INPP4B: variants seen among roughly 807,000 people sequenced by gnomAD.
INPP4B encodes the protein inositol polyphosphate 4-phosphatase type II.
A neutral mutation model predicts 122.5 loss-of-function variants in INPP4B; 55 were observed. The observed-to-expected ratio is 0.45, with a 90% CI of 0.36 to 0.56. The LOEUF (loss-of-function observed/expected upper bound fraction) is 0.56, where lower values mean the gene tolerates loss of function less well. INPP4B is among the 20% of genes least tolerant of loss of function. The probability of loss-of-function intolerance (pLI) is 0.00; values close to 1 mark genes in which losing one functional copy is unlikely to be tolerated. For synonymous variants in INPP4B, 403 were observed against 388.7 expected (o/e 1.04, Z -0.43); for missense variants, 1,000 against 1,097.7 (o/e 0.91, Z 1.26).
At position 142,761,170 on chromosome 4, in the gene INPP4B, ATT is replaced by A. The variant is rs34074117; in HGVS notation, c.-253-35271_-253-35270del. Among the ~76,000 whole-genome samples, 675 of 145,756 alleles carry A rather than the reference ATT, an allele frequency of 4.6e-3. 2 individuals carry two copies. Among genetic ancestry groups the A allele is most frequent in the South Asian group, 0.016 (72 of 4,598 alleles). On this transcript the variant is annotated intron_variant, in intron 1 of 25. Coordinates refer to ENST00000262992, the MANE Select transcript of INPP4B (RefSeq NM_001101669.3). ...TAACTACATTGTCATAAAATAAGCA[ATT>A]TTTTTTTTTTTTGCTTTTTGCTAAA...
chr4:142,699,408 T>C (rs1251830600), intron 2 of INPP4B, among the ~76,000 whole-genome samples: 2 of 152,182 alleles, frequency 1.3e-5, no homozygotes, highest in Non-Finnish European at 2.9e-5. Flanking sequence ...CATGACTCTC[T>C]TGTGCTTCAT....
intron 16 of INPP4B, among the ~76,000 whole-genome samples, chr4:142,170,510 G>C (rs948843408): frequency 6.6e-6 from 1 of 151,654 alleles, no homozygotes; most frequent in Admixed American, 6.6e-5. Context: ...AAAACACAAC[G>C]TGTGTGATTG....
rs548681930 is a variant in INPP4B, at chr4:142,415,981, C to T, written c.137-10657G>A. Reference sequence around the variant, plus strand: ...GAACACATGGACACAGGAAGGGGAACATCACACTCTGGGGACTGTTGTGGG... The same window carrying T: ...GAACACATGGACACAGGAAGGGGAATATCACACTCTGGGGACTGTTGTGGG... On this transcript the variant is annotated intron_variant, in intron 5 of 25. Coordinates refer to ENST00000262992, the MANE Select transcript of INPP4B (RefSeq NM_001101669.3). Among the ~76,000 whole-genome samples, 3 of 148,026 alleles carry T rather than the reference C, an allele frequency of 2.0e-5. No individual in the cohort carries two copies. The East Asian group carries it at 6.2e-4, about 31-fold the overall frequency.
intron 5 of INPP4B, among the ~76,000 whole-genome samples, chr4:142,412,246 TAA>T (rs951374117): frequency 2.6e-4 from 40 of 152,208 alleles, no homozygotes; most frequent in African/African-American, 9.6e-4. Flanking sequence ...TATCATACAT[TAA>T]AAGATATATA....
chr4:142,759,086 G>T (rs574794546), intron 1 of INPP4B, among the ~76,000 whole-genome samples: 1 of 152,122 alleles, frequency 6.6e-6, no homozygotes, highest in South Asian at 2.1e-4. Flanking sequence ...AACCTAGAAA[G>T]ATGAGATGGC....
intron 2 of INPP4B, among the ~76,000 whole-genome samples, chr4:142,724,790 T>G (rs999012978): frequency 1.3e-5 from 2 of 152,160 alleles, no homozygotes; most frequent in Admixed American, 6.5e-5. Flanking sequence ...CAATTTATTT[T>G]TGCTCAACTG....
intron 9 of INPP4B, among the ~76,000 whole-genome samples, chr4:142,299,907 A>G (rs891624754): frequency 3.3e-5 from 5 of 152,092 alleles, no homozygotes; most frequent in Non-Finnish European, 5.9e-5. Context: ...TCATCTCTGA[A>G]GTTTAAGTAG....
intron 7 of INPP4B, among the ~76,000 whole-genome samples, chr4:142,327,442 C>T (rs539775045): frequency 3.5e-4 from 52 of 149,026 alleles, no homozygotes; most frequent in Middle Eastern, 3.4e-3. Context: ...TTACATGAAT[C>T]GAAAAAAAAA....
intron 2 of INPP4B, among the ~76,000 whole-genome samples, chr4:142,652,453 T>C (rs1580627938): frequency 1.3e-5 from 2 of 152,192 alleles, no homozygotes; most frequent in Non-Finnish European, 2.9e-5. Flanking sequence ...GAGGACATGA[T>C]TGTATATTTA....
In INPP4B at chr4:142,378,591, T is replaced by G. The variant is rs559798923; in HGVS notation, c.372+24347A>C. On this transcript the variant is annotated intron_variant, in intron 7 of 25. Transcript: ENST00000262992. ...AGAATCTGAAAGACATGTTCCTGTC[T>G]TTAAGCCTACATTAATTGAAAAGAT... Among the ~76,000 whole-genome samples, 12 of 152,286 alleles carry G rather than the reference T, an allele frequency of 7.9e-5. No homozygotes were observed. The South Asian group carries it at 2.3e-3, about 29-fold the overall frequency.
chr4:142,191,891 A>G (rs2149342811), intron 15 of INPP4B, among the ~76,000 whole-genome samples: 1 of 152,318 alleles, frequency 6.6e-6, no homozygotes, highest in South Asian at 2.1e-4. Flanking sequence ...GGAAAAAAGA[A>G]AAATATATGT....
chr4:142,053,000 A>G (rs555709055), intron 25 of INPP4B, among the ~76,000 whole-genome samples: 1 of 152,200 alleles, frequency 6.6e-6, no homozygotes, highest in Admixed American at 6.5e-5. Flanking sequence ...ATATTAAAAC[A>G]TCAATCTCAT....
intron 25 of INPP4B, among the ~76,000 whole-genome samples, chr4:142,054,725 G>T (rs1434070504): frequency 6.6e-6 from 1 of 152,022 alleles, no homozygotes; most frequent in African/African-American, 2.4e-5. Context: ...AGTCACAAAA[G>T]ATTCCTATAT....
intron 2 of INPP4B, among the ~76,000 whole-genome samples, chr4:142,577,684 T>A (rs891960536): frequency 6.6e-6 from 1 of 152,010 alleles, no homozygotes; most frequent in African/African-American, 2.4e-5. Flanking sequence ...AGGGGCATAA[T>A]ATATGTATCC....
intron 2 of INPP4B, among the ~76,000 whole-genome samples, chr4:142,465,975 T>G (rs1817683230): frequency 6.6e-6 from 1 of 152,170 alleles, no homozygotes; most frequent in South Asian, 2.1e-4. Flanking sequence ...TACAGAACTG[T>G]GAACCAAATA....
intron 2 of INPP4B, among the ~76,000 whole-genome samples, chr4:142,721,242 C>A (rs888517251): frequency 6.6e-6 from 1 of 152,124 alleles, no homozygotes; most frequent in Non-Finnish European, 1.5e-5. Context: ...GGCCTAATTT[C>A]TTTTCAGCTT....
chr4:142,782,624 C>T (rs1306167560), intron 1 of INPP4B, among the ~76,000 whole-genome samples: 7 of 151,730 alleles, frequency 4.6e-5, no homozygotes, highest in African/African-American at 1.7e-4. Context: ...TCCTATTTCT[C>T]CACATCCTCT....
At chr4:142,491,420 A>G (rs1217198067) in intron 2 of INPP4B, among the ~76,000 whole-genome samples, 1 of 152,152 alleles carries the variant, frequency 6.6e-6, no homozygotes, top group Non-Finnish European at 1.5e-5. Flanking sequence ...TTAAGAGGCC[A>G]AGGCAGGTGA....
intron 5 of INPP4B, among the ~76,000 whole-genome samples, chr4:142,416,628 T>C (rs1292057097): frequency 6.6e-6 from 1 of 152,040 alleles, no homozygotes; most frequent in Non-Finnish European, 1.5e-5. Flanking sequence ...GAAAAATAGA[T>C]GGTTCTAGGG....
Sources: gnomAD v4.1 joint callset for allele counts (sites outside exome capture counted in the v4.1 genomes callset) on GRCh38, gnomAD v4.1.1 for gene constraint, MANE v1.5 for transcripts, NCBI Gene and HGNC (gene_info 2026-07-23, HGNC 2026-07-21) for gene names.